The following ALOXE3 variants were observed in gnomAD, a reference collection of about 807,000 sequenced individuals.
The protein encoded by ALOXE3 is arachidonate epidermal lipoxygenase 3.
ALOXE3 carries 78 observed loss-of-function variants against 87.5 expected under a neutral mutation model. The ratio of observed to expected loss-of-function variants is 0.89; its 90% confidence interval spans 0.74 to 1.08. The LOEUF (loss-of-function observed/expected upper bound fraction) is 1.08. Among genes scored for constraint, ALOXE3 ranks in the 50% least tolerant of loss-of-function variants. The pLI is 0.00. For missense variants in ALOXE3, 946 were observed against 912.4 expected (o/e 1.04, Z -0.47); for synonymous variants, 363 against 370.8 (o/e 0.98, Z 0.24).
chr17:8,096,882 C>G, intron 15 of ALOXE3, 76 bp from the exon 16 acceptor site: 1 of 1,532,654 alleles, frequency 6.5e-7, no homozygotes, highest in Non-Finnish European at 9.0e-7. Context: ...CATGTAACAG[C>G]AAATCCAGTC....
chr17:8,099,383 CG>C, intron 15 of ALOXE3, among the ~76,000 whole-genome samples: 1 of 151,304 alleles, frequency 6.6e-6, no homozygotes, highest in South Asian at 2.1e-4. Context: ...TACTACCAGC[CG>C]GGCGCGGAGG....
chr17:8,114,470 G>A lies in ALOXE3; in HGVS notation c.680+14C>T, dbSNP rs1214312780. 1 of 1,613,996 alleles carries A rather than the reference G, an allele frequency of 6.2e-7. No homozygotes were observed. The highest frequency in any genetic ancestry group is 1.7e-5 in the Admixed American group (1 of 60,004). ...AGAGATGTAAGATGTTCATTAGAGGGACAATGGCCTTACGCAGGGATGGCA... is the reference window on the plus strand; with the variant it reads ...AGAGATGTAAGATGTTCATTAGAGGAACAATGGCCTTACGCAGGGATGGCA... On this transcript the variant is annotated intron_variant, in intron 6 of 15. Coordinates refer to ENST00000448843, the MANE Select transcript of ALOXE3 (RefSeq NM_021628.3).
rs1364082996 is a variant in ALOXE3 at position 8,118,220 on chromosome 17, A to T, written c.-230T>A. On this transcript the variant is annotated 5_prime_UTR_variant, in exon 2 of 16. Transcript: ENST00000448843. Reference sequence around the variant, plus strand: ...TTCCTCTCTCCGCCCACAGTCTTGCACTCTAATACTTGTTTGCTTGCCTCT... The same window carrying T: ...TTCCTCTCTCCGCCCACAGTCTTGCTCTCTAATACTTGTTTGCTTGCCTCT... The T allele has an allele frequency of 6.4e-7, 1 of 1,551,112 alleles. No individual in the cohort carries two copies.
chr17:8,099,174 G>T (rs78881190), intron 15 of ALOXE3, among the ~76,000 whole-genome samples: 1 of 151,818 alleles, frequency 6.6e-6, no homozygotes, highest in Non-Finnish European at 1.5e-5. Flanking sequence ...TTTCATTTTC[G>T]TAATAACAGC....
chr17:8,111,237 A>G (rs1980052298), intron 8 of ALOXE3, 122 bp downstream of exon 8: 1 of 1,234,302 alleles, frequency 8.1e-7, no homozygotes, highest in African/African-American at 1.5e-5. Context: ...TGCCCAGAGG[A>G]TGAGGCCCAC....
In ALOXE3 at chr17:8,111,511, A is replaced by G. The variant is rs1980087067; in HGVS notation, c.805T>C (p.Cys269Arg). ...FTTKYVTEHW[C>R]EDHFFGYQYL... ...TGGTACCCAAAGAAGTGATCTTCAC[A>G]CCAGTGCTCTGTGACATACTCTGGG... The change falls in exon 8 of 16, where the codon TGT becomes CGT. Residue 269 changes from cysteine (C) to arginine (R), a missense_variant. By Grantham distance (180) the Cys-to-Arg change is radical (BLOSUM62 -3). Transcript: ENST00000448843. 1 of 1,614,094 alleles carries G rather than the reference A, an allele frequency of 6.2e-7. No individual in the cohort carries two copies. The highest frequency in any genetic ancestry group is 2.2e-5 in the East Asian group (1 of 44,896).
Position 8,110,147 on chromosome 17 carries a change from T to G in ALOXE3, c.1250A>C (p.Glu417Ala), listed in dbSNP as rs1362136719. ...GCGCAGCGTGGCCATGGCGAAGGCC[T>G]CGCACAGCAAATGCGTGCACAGAAA... ...THFLCTHLLC[E>A]AFAMATLRQL... Residue 417 changes from glutamate (E) to alanine (A), a missense_variant, in exon 10 of 16, where the codon GAG (glutamate) becomes GCG (alanine). Transcript: ENST00000448843. The G allele has an allele frequency of 6.2e-7, 1 of 1,613,868 alleles. No individual in the cohort carries two copies. Among genetic ancestry groups the G allele is most frequent in the East Asian group, 2.2e-5 (1 of 44,890 alleles).
chr17:8,117,851 G>A lies in ALOXE3; in HGVS notation c.140C>T (p.Pro47Leu). The change falls in exon 2 of 16, where the codon CCT (proline) becomes CTT (leucine). Residue 47 changes from proline to leucine, a missense_variant. Coordinates refer to ENST00000448843, the MANE Select transcript of ALOXE3 (RefSeq NM_021628.3). ...TGTCTCCTTTGTACTCACCGATCCAGGGGCGAAGTCCCTGCCCATTCGATC... is the reference window on the plus strand; with the variant it reads ...TGTCTCCTTTGTACTCACCGATCCAAGGGCGAAGTCCCTGCCCATTCGATC... ...RLDRMGRDFA[P>L]GSVQKYKVRC... 1 of 1,610,888 alleles carries A rather than the reference G, an allele frequency of 6.2e-7. No homozygotes were observed. The highest frequency in any genetic ancestry group is 1.1e-5 in the South Asian group (1 of 90,622).
chr17:8,116,605 C>T (rs1308722880), intron 3 of ALOXE3, among the ~76,000 whole-genome samples, 171 bp downstream of exon 3: 1 of 152,194 alleles, frequency 6.6e-6, no homozygotes, highest in Non-Finnish European at 1.5e-5. Context: ...GTCTGCAAAA[C>T]CCTCGCATTT....
At chr17:8,115,139 T>C in intron 4 of ALOXE3, 82 bp from the exon 5 acceptor site, 1 of 1,570,250 alleles carries the variant, frequency 6.4e-7, no homozygotes, top group South Asian at 1.1e-5. Flanking sequence ...GGCTTCAGAT[T>C]AAAACTTCAA....
In ALOXE3 at chr17:8,111,518, C is replaced by T; in HGVS notation, c.798G>A (p.Glu266=). Residue 266 remains glutamate, a synonymous_variant, in exon 8 of 16, where the codon GAG becomes GAA. Coordinates refer to ENST00000448843, the MANE Select transcript of ALOXE3 (RefSeq NM_021628.3). Reference sequence around the variant, plus strand: ...CAAAGAAGTGATCTTCACACCAGTGCTCTGTGACATACTCTGGGATACAAG... The same window carrying T: ...CAAAGAAGTGATCTTCACACCAGTGTTCTGTGACATACTCTGGGATACAAG... ...HKTFTTKYVT[E]HWCEDHFFGY... 6.2e-7 allele frequency: 1 copy of T among 1,614,180 alleles called. No homozygotes were observed. Among genetic ancestry groups the T allele is most frequent in the Non-Finnish European group, 8.5e-7 (1 of 1,180,038 alleles).
Position 8,096,639 on chromosome 17 carries a change from G to A in ALOXE3, c.2124C>T (p.Ser708=), listed in dbSNP as rs3809881. The A allele has an allele frequency of 0.42, 587,258 of 1,385,774 alleles. 128,509 individuals are homozygous for A. The highest frequency in any genetic ancestry group is 0.63 in the East Asian group (27,536 of 43,750). The allele number at this position is 1,385,774 out of a possible 1,614,324, so 85.8% of individuals were successfully genotyped here. A position where few individuals can be genotyped will look rare whatever the true frequency, so the allele number is the denominator to read the frequency against. The change falls in exon 16 of 16, where the codon AGC becomes AGT. Residue 708 remains serine, a synonymous_variant. Transcript: ENST00000448843. ...TATTTGGGGGTGGTTAGATGGAGAC[G>A]CTGTTCTCAATGAGGGGAGGGTCCA... The part of the protein sequence containing the change: ...TYLDPPLIEN[S]VSI
In ALOXE3 at chr17:8,096,713, T is replaced by C; in HGVS notation, c.2050A>G (p.Arg684Gly). 4 of 1,611,982 alleles carry C rather than the reference T, an allele frequency of 2.5e-6. No individual in the cohort carries two copies. The highest frequency in any genetic ancestry group is 2.2e-5 in the East Asian group (1 of 44,874). Residue 684 changes from arginine to glycine, a missense_variant, in exon 16 of 16, where the codon AGG (arginine) becomes GGG (glycine). Physicochemically the swap from Arg to Gly is moderately radical, Grantham distance 125. Transcript: ENST00000448843. ...CCCTGGTTCCGCTCCTGGATGTCCC[T>C]TGAGATCTGGGCCAGGCGGCTCTGG... is the stretch of plus-strand genomic sequence containing the variant. ...AFQSRLAQIS[R>G]DIQERNQGLA...
In ALOXE3 at chr17:8,109,878, C is replaced by T. The variant is rs567817398; in HGVS notation, c.1392+38G>A. On this transcript the variant is annotated intron_variant, in intron 11 of 15. Transcript: ENST00000448843. ...GGCGGGTAGCGGGGCAAAGCGTCTTCGGGGGCGGAGATCAGTGACCCGGCA... is the reference window on the plus strand; with the variant it reads ...GGCGGGTAGCGGGGCAAAGCGTCTTTGGGGGCGGAGATCAGTGACCCGGCA... The T allele has an allele frequency of 3.9e-6, 6 of 1,535,060 alleles. No homozygotes were observed. The Admixed American group carries it at 1.2e-4, about 30-fold the overall frequency.
chr17:8,103,610 G>T, intron 14 of ALOXE3, 117 bp from the exon 15 acceptor site: 2 of 1,173,824 alleles, frequency 1.7e-6, no homozygotes, highest in Non-Finnish European at 2.5e-6. Context: ...GAAATGAGGG[G>T]ATCACGGAAA....
intron 13 of ALOXE3, among the ~76,000 whole-genome samples, chr17:8,104,865 G>A (rs1049902920): frequency 6.6e-6 from 1 of 152,150 alleles, no homozygotes; most frequent in Non-Finnish European, 1.5e-5. Context: ...GAGCTCCAAG[G>A]CTCAGCCCTT....
intron 13 of ALOXE3, among the ~76,000 whole-genome samples, chr17:8,107,844 A>AGGTT (rs1434746390): frequency 1.5e-3 from 4 of 2,696 alleles, no homozygotes; most frequent in Non-Finnish European, 2.2e-3. Context: ...AAAGAAAGAA[A>AGGTT]GAAAGAAAGA....
chr17:8,118,031 A>C lies in ALOXE3; in HGVS notation c.-41T>G. On this transcript the variant is annotated 5_prime_UTR_variant, in exon 2 of 16. Coordinates refer to ENST00000448843, the MANE Select transcript of ALOXE3 (RefSeq NM_021628.3). ...GGGATGCCCCGGCAACGCTGGCCGCAGCAGCAGCCGGCCTGGAGGAGAAGA... is the reference window on the plus strand; with the variant it reads ...GGGATGCCCCGGCAACGCTGGCCGCCGCAGCAGCCGGCCTGGAGGAGAAGA... 1 of 1,602,822 alleles carries C rather than the reference A, an allele frequency of 6.2e-7. No homozygotes were observed. Among genetic ancestry groups the C allele is most frequent in the Non-Finnish European group, 8.5e-7 (1 of 1,176,948 alleles).
rs148606343 is a variant in ALOXE3, at chr17:8,103,503, C to A, written c.1786-10G>T. 6.2e-7 allele frequency: 1 copy of A among 1,613,758 alleles called. No individual in the cohort carries two copies. Among genetic ancestry groups the A allele is most frequent in the African/African-American group, 1.3e-5 (1 of 75,004 alleles). The stretch of plus-strand genomic sequence containing the variant: ...AGGCCCCAAAGTCATGCTGTGGAGA[C>A]CCCCATCCCAGTTGGGTCAGTTGGC... On this transcript the variant is annotated splice_polypyrimidine_tract_variant and intron_variant, in intron 14 of 15. Transcript: ENST00000448843.
Sources: allele counts gnomAD v4.1 joint callset (sites outside exome capture counted in the v4.1 genomes callset), GRCh38; gene constraint gnomAD v4.1.1; transcripts MANE v1.5; gene names NCBI Gene and HGNC (gene_info 2026-07-23, HGNC 2026-07-21).